Variants in TRPM3 observed in about 807,000 individuals in gnomAD.
TRPM3 encodes transient receptor potential cation channel subfamily M member 3, also known as long transient receptor potential channel 3.
In TRPM3, 77 loss-of-function variants were observed where a neutral mutation model predicts 181.2. The observed-to-expected ratio is 0.42, with a 90% CI of 0.35 to 0.51. TRPM3 has a LOEUF of 0.51. TRPM3 is among the 20% of genes least tolerant of loss of function. TRPM3 has a pLI of 0.01. For missense variants in TRPM3, 1,759 were observed against 2,196.7 expected (o/e 0.80, Z 3.98); for synonymous variants, 745 against 796.4 (o/e 0.94, Z 1.09).
intron 7 of TRPM3, chr9:70,775,344 T>C (rs1336725152): frequency 6.6e-6 from 1 of 152,180 alleles, no homozygotes; most frequent in Non-Finnish European, 1.5e-5. Flanking sequence ...AGAAATGCAT[T>C]TGTGCATCTC....
intron 6 of TRPM3, among the ~76,000 whole-genome samples, chr9:70,818,891 G>A (rs1481882860): frequency 6.6e-6 from 1 of 152,148 alleles, no homozygotes. Flanking sequence ...TTTGAAGGAG[G>A]TACCAGGGCT....
intron 1 of TRPM3, among the ~76,000 whole-genome samples, chr9:70,888,257 T>G (rs1473958568): frequency 6.6e-6 from 1 of 152,114 alleles, no homozygotes; most frequent in Non-Finnish European, 1.5e-5. Flanking sequence ...CAGCACATAG[T>G]AGGTACCTGA....
intron 6 of TRPM3, among the ~76,000 whole-genome samples, chr9:70,798,451 C>T (rs540206013): frequency 1.3e-5 from 2 of 152,268 alleles, no homozygotes; most frequent in African/African-American, 4.8e-5. Flanking sequence ...TTAACTTCCT[C>T]AGCAAGTATT....
intron 6 of TRPM3, among the ~76,000 whole-genome samples, chr9:70,813,830 G>T (rs757223912): frequency 8.5e-5 from 13 of 152,282 alleles, no homozygotes; most frequent in Non-Finnish European, 1.5e-4. Flanking sequence ...TGGTAAATGG[G>T]AGTAATAAAG....
chr9:70,655,335 A>C (rs536992378), intron 9 of TRPM3, among the ~76,000 whole-genome samples: 153 of 151,210 alleles, frequency 1.0e-3, no homozygotes, highest in Middle Eastern at 3.4e-3. Context: ...AAAAAAGAAA[A>C]AGAAAATGAA....
chr9:71,366,403 C>T (rs1359827722), intron 1 of TRPM3, among the ~76,000 whole-genome samples: 1 of 151,946 alleles, frequency 6.6e-6, no homozygotes, highest in Non-Finnish European at 1.5e-5. Context: ...AGGGAGAGGC[C>T]CTGTTGAGCT....
At chr9:71,202,729 A>T (rs1048668228) in intron 1 of TRPM3, among the ~76,000 whole-genome samples, 1 of 152,164 alleles carries the variant, frequency 6.6e-6, no homozygotes, top group African/African-American at 2.4e-5. Context: ...CTCTGGAGCC[A>T]GGCTGCACAG....
intron 1 of TRPM3, among the ~76,000 whole-genome samples, chr9:70,935,548 G>A (rs1412979080): frequency 6.6e-6 from 1 of 152,126 alleles, no homozygotes; most frequent in Admixed American, 6.6e-5. Context: ...CTAGCCTTTT[G>A]TTTGTACACA....
rs187634393 is a variant in TRPM3 at position 70,999,666 on chromosome 9, T to C, written c.177+121512A>G. ...CATTATTTTTGGCAAGATGGCATTT[T>C]AAGTTTTTGTTCCCTAACTGCAGGA... On this transcript the variant is annotated intron_variant, in intron 1 of 25. Coordinates refer to ENST00000677713, the MANE Select transcript of TRPM3 (RefSeq NM_001366145.2). Among the ~76,000 whole-genome samples, 6 of 152,334 alleles carry C rather than the reference T, an allele frequency of 3.9e-5. No individual in the cohort carries two copies. In the East Asian group the frequency reaches 5.8e-4, roughly 15 times the overall value.
intron 1 of TRPM3, among the ~76,000 whole-genome samples, chr9:71,176,801 C>T (rs2077125787): frequency 1.3e-5 from 2 of 152,040 alleles, no homozygotes; most frequent in Admixed American, 1.3e-4. Flanking sequence ...TGTTTAAATA[C>T]ATTTAGATAC....
chr9:70,830,344 T>G (rs1031702743), intron 5 of TRPM3, among the ~76,000 whole-genome samples: 8 of 152,254 alleles, frequency 5.3e-5, no homozygotes, highest in African/African-American at 1.9e-4. Flanking sequence ...ATACAGTATC[T>G]GTATTCTAAG....
intron 9 of TRPM3, among the ~76,000 whole-genome samples, chr9:70,675,683 T>C (rs12682954): frequency 0.15 from 22,985 of 152,180 alleles, 2,300 homozygotes; most frequent in East Asian, 0.39. Flanking sequence ...ATTTCTAAGA[T>C]CAACAGTGAT....
intron 8 of TRPM3, among the ~76,000 whole-genome samples, chr9:70,742,213 A>G (rs1420420525): frequency 6.6e-6 from 1 of 152,178 alleles, no homozygotes. Flanking sequence ...ACAAATTAGT[A>G]TAGAAAAAAT....
chr9:70,863,156 A>G (rs2132407584), intron 2 of TRPM3, 44 bp from the exon 3 acceptor site: 1 of 1,558,168 alleles, frequency 6.4e-7, no homozygotes, highest in East Asian at 2.3e-5. Context: ...ATTAGTCACT[A>G]TTGGGATACA....
At chr9:70,999,820 C>T (rs2097580182) in intron 1 of TRPM3, among the ~76,000 whole-genome samples, 1 of 152,150 alleles carries the variant, frequency 6.6e-6, no homozygotes, top group African/African-American at 2.4e-5. Context: ...TCTAAAATAT[C>T]CACACAGGGA....
At chr9:70,788,425 A>G (rs1342869182) in intron 6 of TRPM3, among the ~76,000 whole-genome samples, 1 of 151,970 alleles carries the variant, frequency 6.6e-6, no homozygotes, top group African/African-American at 2.4e-5. Context: ...TCTTGAACAA[A>G]ATTCTATGCC....
chr9:70,550,576 G>A (rs2046233143), intron 24 of TRPM3, among the ~76,000 whole-genome samples: 1 of 152,172 alleles, frequency 6.6e-6, no homozygotes, highest in East Asian at 1.9e-4. Flanking sequence ...GTGGAAAATT[G>A]AACCTTTAAG....
chr9:70,576,715 A>G (rs1340356531), intron 22 of TRPM3, among the ~76,000 whole-genome samples: 1 of 151,984 alleles, frequency 6.6e-6, no homozygotes, highest in Non-Finnish European at 1.5e-5. Context: ...GGGTTTCACC[A>G]TCTTGGCCAG....
At chr9:71,072,683 G>A (rs557458295) in intron 1 of TRPM3, among the ~76,000 whole-genome samples, 58 of 152,258 alleles carry the variant, frequency 3.8e-4, no homozygotes, top group African/African-American at 1.3e-3. Flanking sequence ...GTTGAAGGCC[G>A]AAAGAGTGAG....
Sources: gnomAD v4.1 joint callset for allele counts (sites outside exome capture counted in the v4.1 genomes callset) on GRCh38, gnomAD v4.1.1 for gene constraint, MANE v1.5 for transcripts, NCBI Gene and HGNC (gene_info 2026-07-23, HGNC 2026-07-21) for gene names.